LMX1B: variants seen among roughly 807,000 people sequenced by gnomAD.
The protein encoded by LMX1B is LIM homeobox transcription factor 1-beta.
LMX1B carries 12 observed loss-of-function variants against 51.4 expected under a neutral mutation model. The ratio of observed to expected loss-of-function variants is 0.23; its 90% CI spans 0.15 to 0.38. LMX1B has a LOEUF of 0.38. Ranked by LOEUF, LMX1B falls within the 10% of genes least tolerant of loss-of-function variation. LMX1B has a pLI of 1.00. For missense variants in LMX1B, 445 were observed against 571.1 expected (o/e 0.78, Z 2.25); for synonymous variants, 237 against 235.4 (o/e 1.01, Z -0.06).
At chr9:126,644,058 G>T (rs1159033564) in intron 2 of LMX1B, among the ~76,000 whole-genome samples, 1 of 152,130 alleles carries the variant, frequency 6.6e-6, no homozygotes, top group Non-Finnish European at 1.5e-5. Flanking sequence ...CAGCAGAGAG[G>T]AGAAGAGGCC....
intron 2 of LMX1B, among the ~76,000 whole-genome samples, chr9:126,616,415 G>A (rs935170705): frequency 1.3e-5 from 2 of 152,226 alleles, no homozygotes; most frequent in Non-Finnish European, 1.5e-5. Context: ...CGGGGTTGGG[G>A]ACAGACAACA....
At chr9:126,617,901 G>T (rs1490750198) in intron 2 of LMX1B, among the ~76,000 whole-genome samples, 1 of 112,520 alleles carries the variant, frequency 8.9e-6, no homozygotes, top group Admixed American at 1.2e-4. Context: ...CCGGCAGGAT[G>T]TGCTGGGGGT....
chr9:126,699,282 CG>C lies in LMX1B; in HGVS notation c.*2832del, dbSNP rs1447784068. The C allele has an allele frequency of 6.6e-6, 1 of 152,198 alleles. No individual in the cohort carries two copies. The highest frequency in any genetic ancestry group is 1.5e-5 in the Non-Finnish European group (1 of 68,034). 9.4% of individuals were successfully genotyped at this position (152,198 alleles called of 1,614,324 possible). On this transcript the variant is annotated 3_prime_UTR_variant, in exon 8 of 8. Coordinates refer to ENST00000373474, the MANE Select transcript of LMX1B (RefSeq NM_001174147.2). ...GACAGAGCTGAGCTGAGAACAGGGA[CG>C]TTGTGCCCCACTGTCCCCTGTGGTT...
chr9:126,671,589 C>T lies in LMX1B; in HGVS notation c.327-19247C>T, dbSNP rs573214575. Among the ~76,000 whole-genome samples, 4 of 152,226 alleles carry T rather than the reference C, an allele frequency of 2.6e-5. No homozygotes were observed. The highest frequency in any genetic ancestry group is 1.9e-4 in the East Asian group (1 of 5,190). On this transcript the variant is annotated intron_variant, in intron 2 of 7. Transcript: ENST00000373474. The surrounding 1 kb of genome is among the most constrained non-coding windows in gnomAD (Gnocchi z 4.4). ...GCCGCAAAAACACAGACACCCCAGA[C>T]GGGGCACTGCTCCAGGCCGGCTCTG... is the stretch of plus-strand genomic sequence containing the variant.
At chr9:126,652,905 G>T (rs1037327845) in intron 2 of LMX1B, among the ~76,000 whole-genome samples, 3 of 152,170 alleles carry the variant, frequency 2.0e-5, no homozygotes, top group African/African-American at 4.8e-5. Flanking sequence ...TGATGGAGAA[G>T]AAAAGAGCCT....
chr9:126,685,922 AG>A (rs1232831147), intron 2 of LMX1B, among the ~76,000 whole-genome samples: 1 of 152,124 alleles, frequency 6.6e-6, no homozygotes, highest in East Asian at 1.9e-4. Flanking sequence ...TGGGATTCCA[AG>A]CCCGGTGCAT....
chr9:126,640,833 G>A (rs1835795444), intron 2 of LMX1B: 1 of 152,300 alleles, frequency 6.6e-6, no homozygotes, highest in Admixed American at 6.5e-5. Flanking sequence ...TTTCCTGACA[G>A]TGAGTCCGCA....
At position 126,624,037 on chromosome 9, in the gene LMX1B, G is replaced by C. The variant is rs905503969; in HGVS notation, c.326+8468G>C. Reference sequence around the variant, plus strand: ...GTTGATGAATTTCGGTGTCACCAGGGGTTTAGCCCGGATTTGGGAACCGCG... The same window carrying C: ...GTTGATGAATTTCGGTGTCACCAGGCGTTTAGCCCGGATTTGGGAACCGCG... On this transcript the variant is annotated intron_variant, in intron 2 of 7. Transcript: ENST00000373474. 7.2e-5 allele frequency among the ~76,000 whole-genome samples: 11 copies of C among 152,352 alleles called. No homozygotes were observed. In the South Asian group the frequency reaches 2.3e-3, roughly 32 times the overall value.
rs928183221 is a variant in LMX1B at position 126,671,912 on chromosome 9, C to T, written c.327-18924C>T. Reference sequence around the variant, plus strand: ...GGGAATAGAGGTCGGCATTCTCCACCACCCCCTTCTCCTGGACTGGGGCTT... The same window carrying T: ...GGGAATAGAGGTCGGCATTCTCCACTACCCCCTTCTCCTGGACTGGGGCTT... On this transcript the variant is annotated intron_variant, in intron 2 of 7. Transcript: ENST00000373474. The surrounding 1 kb of genome is among the most constrained non-coding windows in gnomAD (Gnocchi z 4.4). Among the ~76,000 whole-genome samples, 2 of 152,256 alleles carry T rather than the reference C, an allele frequency of 1.3e-5. No individual in the cohort carries two copies. Among genetic ancestry groups the T allele is most frequent in the African/African-American group, 2.4e-5 (1 of 41,474 alleles).
At position 126,691,807 on chromosome 9, in the gene LMX1B, G is replaced by A. The variant is rs554027354; in HGVS notation, c.559+739G>A. Among the ~76,000 whole-genome samples, 14 of 152,338 alleles carry A rather than the reference G, an allele frequency of 9.2e-5. No homozygotes were observed. In the East Asian group the frequency reaches 1.9e-3, roughly 21 times the overall value. The stretch of plus-strand genomic sequence containing the variant: ...TCGAGCCAGCCTCTGTTTCCCAGCC[G>A]AAGGGAGGGGGCTGGGCCCTCTGTG... On this transcript the variant is annotated intron_variant, in intron 3 of 7. Transcript: ENST00000373474.
intron 2 of LMX1B, among the ~76,000 whole-genome samples, chr9:126,652,779 G>A (rs1246833895): frequency 1.3e-5 from 2 of 152,234 alleles, no homozygotes; most frequent in Non-Finnish European, 2.9e-5. Context: ...TGGAGCCTGT[G>A]GGAACAAGGG....
chr9:126,616,137 A>G (rs536940819), intron 2 of LMX1B, among the ~76,000 whole-genome samples: 71 of 152,322 alleles, frequency 4.7e-4, no homozygotes, highest in African/African-American at 1.6e-3. Context: ...TCCATGCGGG[A>G]ATTTTGCACT....
intron 2 of LMX1B, among the ~76,000 whole-genome samples, chr9:126,640,183 G>T (rs559087853): frequency 3.2e-4 from 48 of 152,324 alleles, no homozygotes; most frequent in African/African-American, 1.1e-3. Context: ...GGTCCCAGAT[G>T]CCTGCTGCTT....
chr9:126,642,116 T>C (rs1158632352), intron 2 of LMX1B, among the ~76,000 whole-genome samples: 1 of 152,142 alleles, frequency 6.6e-6, no homozygotes, highest in Non-Finnish European at 1.5e-5. Context: ...CTCATATGTG[T>C]GTCCCTGGCC....
intron 2 of LMX1B, among the ~76,000 whole-genome samples, chr9:126,675,093 G>A (rs1304043451): frequency 6.6e-6 from 1 of 152,082 alleles, no homozygotes; most frequent in Non-Finnish European, 1.5e-5. Context: ...TGGGGGTGGC[G>A]GTTGTAGAGC....
chr9:126,650,646 G>A (rs954876541), intron 2 of LMX1B, among the ~76,000 whole-genome samples: 12 of 152,196 alleles, frequency 7.9e-5, no homozygotes, highest in Admixed American at 3.3e-4. Context: ...CTGGCCTCTC[G>A]GCACTGCCCA....
At chr9:126,630,161 CAAAAAAAAA>C (rs386416246) in intron 2 of LMX1B, among the ~76,000 whole-genome samples, 1 of 83,820 alleles carries the variant, frequency 1.2e-5, no homozygotes, top group African/African-American at 4.9e-5. Context: ...GACTCCGTCT[CAAAAAAAAA>C]AAAAAAAAAA....
intron 2 of LMX1B, 54 bp from the exon 3 acceptor site, chr9:126,690,782 C>T (rs2030090608): frequency 6.7e-7 from 1 of 1,493,988 alleles, no homozygotes; most frequent in Non-Finnish European, 9.1e-7. Flanking sequence ...GCAGGAGTGG[C>T]CTCTGGGAGG....
chr9:126,639,839 T>C (rs541964821), intron 2 of LMX1B, among the ~76,000 whole-genome samples: 11 of 152,308 alleles, frequency 7.2e-5, no homozygotes, highest in Non-Finnish European at 1.2e-4. Flanking sequence ...TAGCTTCTCA[T>C]ATGTGGGGCT....
Sources: gnomAD v4.1 joint callset for allele counts (sites outside exome capture counted in the v4.1 genomes callset) on GRCh38, gnomAD v4.1.1 for gene constraint, Gnocchi (gnomAD v3.1) non-coding constraint, MANE v1.5 for transcripts, NCBI Gene and HGNC (gene_info 2026-07-23, HGNC 2026-07-21) for gene names.